MTHFD1L: variants seen among roughly 807,000 people sequenced by gnomAD.
The protein encoded by MTHFD1L is monofunctional C1-tetrahydrofolate synthase, mitochondrial.
In MTHFD1L, 81 loss-of-function variants were observed where a neutral mutation model predicts 119.5. The ratio of observed to expected loss-of-function variants is 0.68; its 90% CI spans 0.57 to 0.82. The LOEUF (loss-of-function observed/expected upper bound fraction) is 0.82. Ranked by LOEUF, MTHFD1L falls within the 40% of genes least tolerant of loss-of-function variation. MTHFD1L has a pLI of 0.00. For synonymous variants in MTHFD1L, 430 were observed against 475.2 expected (o/e 0.90, Z 1.24); for missense variants, 1,125 against 1,253.4 (o/e 0.90, Z 1.55).
At chr6:151,044,180 C>G (rs1020216370) in intron 26 of MTHFD1L, among the ~76,000 whole-genome samples, 16 of 152,116 alleles carry the variant, frequency 1.1e-4, no homozygotes, top group African/African-American at 3.9e-4. Flanking sequence ...GGGCCTGCCC[C>G]CCATGTGGTT....
chr6:150,998,622 C>T (rs936292450), intron 20 of MTHFD1L, among the ~76,000 whole-genome samples: 2 of 149,364 alleles, frequency 1.3e-5, no homozygotes, highest in Non-Finnish European at 3.0e-5. Context: ...CACCTGATCT[C>T]GTGTGGCGGG....
At chr6:151,018,877 A>G (rs1224145529) in intron 24 of MTHFD1L, among the ~76,000 whole-genome samples, 1 of 152,220 alleles carries the variant, frequency 6.6e-6, no homozygotes, top group Non-Finnish European at 1.5e-5. Flanking sequence ...TTATGAGGCC[A>G]TTTTGTGAAT....
intron 21 of MTHFD1L, among the ~76,000 whole-genome samples, chr6:151,011,873 C>T (rs887737751): frequency 3.3e-5 from 5 of 151,458 alleles, no homozygotes; most frequent in Admixed American, 1.3e-4. Flanking sequence ...TGGTGGCGGG[C>T]GCCTGTAATT....
chr6:151,013,770 T>G lies in MTHFD1L; in HGVS notation c.2266-9T>G. ...GGATTATTCTTCATGTTTTCTCTCC[T>G]TATTTCAGGTAACGGCTGGTGTTCC... On this transcript the variant is annotated splice_polypyrimidine_tract_variant and intron_variant, in intron 21 of 27. Transcript: ENST00000367321. 1 of 1,610,598 alleles carries G rather than the reference T, an allele frequency of 6.2e-7. No homozygotes were observed. Among genetic ancestry groups the G allele is most frequent in the Non-Finnish European group, 8.5e-7 (1 of 1,177,372 alleles).
intron 20 of MTHFD1L, among the ~76,000 whole-genome samples, chr6:150,991,790 G>A (rs909232019): frequency 1.3e-5 from 2 of 152,148 alleles, no homozygotes; most frequent in African/African-American, 4.8e-5. Flanking sequence ...GAAATACTAT[G>A]CTTTCAATTG....
chr6:151,039,114 T>G lies in MTHFD1L; in HGVS notation c.2847+1997T>G, dbSNP rs1466358294. 6.6e-6 allele frequency among the ~76,000 whole-genome samples: 1 copy of G among 152,108 alleles called. No individual in the cohort carries two copies. On this transcript the variant is annotated intron_variant, in intron 26 of 27. Transcript: ENST00000367321. This position sits in a 1 kb window ranked among gnomAD's most constrained non-coding sequence, Gnocchi z 4.4. ...AGAAGACAGTGAAGGAAGACACCCC[T>G]GAAACACCCACGTTAATGCAGCCGA... is the stretch of plus-strand genomic sequence containing the variant.
chr6:150,899,652 A>G (rs11755633), intron 7 of MTHFD1L, among the ~76,000 whole-genome samples: 19,799 of 152,166 alleles, frequency 0.13, 1,442 homozygotes, highest in Admixed American at 0.23. Context: ...AATTTCAAAT[A>G]CAAAGTTAGA....
chr6:150,897,242 G>A (rs1039518436), intron 7 of MTHFD1L, among the ~76,000 whole-genome samples: 1 of 152,154 alleles, frequency 6.6e-6, no homozygotes, highest in Non-Finnish European at 1.5e-5. Flanking sequence ...AAATATGTGA[G>A]TAAAAACATA....
At chr6:151,018,841 G>T (rs1267094238) in intron 24 of MTHFD1L, among the ~76,000 whole-genome samples, 1 of 152,198 alleles carries the variant, frequency 6.6e-6, no homozygotes, top group Non-Finnish European at 1.5e-5. Flanking sequence ...TTAATTGGAG[G>T]CTAGCTCATA....
chr6:151,038,068 TC>T (rs1361661215), intron 26 of MTHFD1L, among the ~76,000 whole-genome samples: 3 of 152,220 alleles, frequency 2.0e-5, no homozygotes, highest in African/African-American at 7.2e-5. Flanking sequence ...ACATACTTCA[TC>T]TAATATTGGA....
intron 26 of MTHFD1L, among the ~76,000 whole-genome samples, chr6:151,043,258 C>CTTTTTTTTTTTTTTTTTT (rs1170553631): frequency 2.5e-5 from 2 of 78,856 alleles, no homozygotes; most frequent in Admixed American, 2.0e-4. Flanking sequence ...AGTGTTTTCT[C>CTTTTTTTTTTTTTTTTTT]TTTTTTTTTT....
intron 13 of MTHFD1L, among the ~76,000 whole-genome samples, chr6:150,943,326 G>T (rs1418768271): frequency 6.6e-6 from 1 of 151,872 alleles, no homozygotes; most frequent in Non-Finnish European, 1.5e-5. Context: ...AAAGCAATTT[G>T]GTGATATTAT....
chr6:150,982,684 G>C (rs1021005915), intron 20 of MTHFD1L, among the ~76,000 whole-genome samples: 9 of 151,384 alleles, frequency 5.9e-5, no homozygotes, highest in Admixed American at 5.9e-4. Flanking sequence ...ACCTCTCCAC[G>C]TTTGTCCTGA....
chr6:151,057,139 G>A (rs1790069318), intron 26 of MTHFD1L: 1 of 954,220 alleles, frequency 1.0e-6, no homozygotes, highest in African/African-American at 1.8e-5. Context: ...AGGCTTGCTG[G>A]ACCCAGTGCC....
At chr6:151,014,111 G>C (rs1281417380) in intron 22 of MTHFD1L, among the ~76,000 whole-genome samples, 1 of 152,174 alleles carries the variant, frequency 6.6e-6, no homozygotes, top group Non-Finnish European at 1.5e-5. Context: ...TGTAGTCCCA[G>C]CATGAGAATC....
At chr6:151,015,051 G>T in intron 23 of MTHFD1L, 71 bp downstream of exon 23, 1 of 1,255,120 alleles carries the variant, frequency 8.0e-7, no homozygotes, top group Non-Finnish European at 1.1e-6. Context: ...TTTGTGTCTT[G>T]GGGTATTTGG....
chr6:151,010,080 CT>C (rs558626324), intron 21 of MTHFD1L, 122 bp downstream of exon 21: 256 of 1,245,992 alleles, frequency 2.1e-4, no homozygotes, highest in South Asian at 3.5e-4. Context: ...TTTCTTAAAA[CT>C]TTTTTTTTCC....
intron 17 of MTHFD1L, chr6:150,959,125 A>G: frequency 1.1e-6 from 1 of 892,942 alleles, no homozygotes; most frequent in South Asian, 5.2e-5. Flanking sequence ...TTGAGAATGT[A>G]ATAATTGAAT....
chr6:150,927,229 G>T (rs916530433), intron 11 of MTHFD1L, among the ~76,000 whole-genome samples: 7 of 152,086 alleles, frequency 4.6e-5, no homozygotes, highest in Non-Finnish European at 8.8e-5. Flanking sequence ...AAGTGAAAAA[G>T]TAAAACATCC....
Sources: allele counts gnomAD v4.1 joint callset (sites outside exome capture counted in the v4.1 genomes callset), GRCh38; gene constraint gnomAD v4.1.1; non-coding constraint Gnocchi (gnomAD v3.1); transcripts MANE v1.5; gene names NCBI Gene and HGNC (gene_info 2026-07-23, HGNC 2026-07-21).